PDE4D: variants seen among roughly 807,000 people sequenced by gnomAD.
PDE4D encodes the protein phosphodiesterase 4D.
PDE4D carries 24 observed loss-of-function variants against 87.4 expected under a neutral mutation model. That is an observed-to-expected ratio of 0.27 (90% confidence interval 0.20 to 0.39). The LOEUF is 0.39. PDE4D is among the 10% of genes least tolerant of loss of function. The pLI is 1.00. For missense variants in PDE4D, 714 were observed against 1,041.0 expected (o/e 0.69, Z 4.32); for synonymous variants, 384 against 383.2 (o/e 1.00, Z -0.02).
At chr5:59,516,062 T>C (rs796889565) in intron 1 of PDE4D, among the ~76,000 whole-genome samples, 2 of 152,318 alleles carry the variant, frequency 1.3e-5, no homozygotes, top group African/African-American at 4.8e-5. Flanking sequence ...CTGTGATTCA[T>C]GAACTATATG....
chr5:60,354,800 A>C (rs1759482098), intron 1 of PDE4D, among the ~76,000 whole-genome samples: 1 of 152,196 alleles, frequency 6.6e-6, no homozygotes, highest in Admixed American at 6.5e-5. Flanking sequence ...AAATAGTCCA[A>C]GACATTTATT....
chr5:59,997,982 T>C (rs935379645), intron 2 of PDE4D, among the ~76,000 whole-genome samples: 3 of 152,198 alleles, frequency 2.0e-5, no homozygotes, highest in Non-Finnish European at 1.5e-5. Context: ...GCTGGTTCCA[T>C]GGGAGCTTTC....
At chr5:60,315,984 C>T (rs1249139273) in intron 1 of PDE4D, among the ~76,000 whole-genome samples, 1 of 152,026 alleles carries the variant, frequency 6.6e-6, no homozygotes, top group African/African-American at 2.4e-5. Flanking sequence ...TTTTTTGGTT[C>T]CATATGAACT....
chr5:59,012,418 CAG>C (rs1439515000), intron 6 of PDE4D, among the ~76,000 whole-genome samples: 1 of 152,056 alleles, frequency 6.6e-6, no homozygotes, highest in East Asian at 1.9e-4. Context: ...ATCTCACATG[CAG>C]AGAGACACAT....
chr5:59,784,430 T>C (rs968988788), intron 1 of PDE4D, among the ~76,000 whole-genome samples: 5 of 152,156 alleles, frequency 3.3e-5, no homozygotes, highest in Non-Finnish European at 5.9e-5. Context: ...ATAAAATCTC[T>C]GGCAGAAGAA....
At chr5:60,496,123 G>A (rs1749804908) in intron 1 of PDE4D, among the ~76,000 whole-genome samples, 1 of 152,168 alleles carries the variant, frequency 6.6e-6, no homozygotes, top group African/African-American at 2.4e-5. Context: ...GGTTGCAGCT[G>A]AGTATGTCTA....
chr5:60,307,197 C>G (rs1674357111), intron 1 of PDE4D, among the ~76,000 whole-genome samples: 1 of 151,872 alleles, frequency 6.6e-6, no homozygotes, highest in Admixed American at 6.6e-5. Context: ...AACAACGACA[C>G]AGAAACAGAA....
At chr5:59,935,430 T>C (rs1270159776) in intron 3 of PDE4D, among the ~76,000 whole-genome samples, 5 of 152,136 alleles carry the variant, frequency 3.3e-5, no homozygotes, top group Non-Finnish European at 7.4e-5. Context: ...ACTTCCTCAT[T>C]TGATAAAAAA....
chr5:60,019,351 G>T (rs181339044), intron 2 of PDE4D, among the ~76,000 whole-genome samples: 1 of 152,114 alleles, frequency 6.6e-6, no homozygotes, highest in East Asian at 1.9e-4. Context: ...ATTTAAAGTC[G>T]CCAGCTGCAT....
chr5:59,372,918 G>C (rs940089528), intron 1 of PDE4D, among the ~76,000 whole-genome samples: 3 of 152,100 alleles, frequency 2.0e-5, no homozygotes, highest in Non-Finnish European at 4.4e-5. Flanking sequence ...GGAGCTGAGT[G>C]TTGGACCCCT....
chr5:60,292,158 G>T (rs962022527), intron 1 of PDE4D, among the ~76,000 whole-genome samples: 1 of 152,042 alleles, frequency 6.6e-6, no homozygotes, highest in African/African-American at 2.4e-5. Flanking sequence ...TTATTTTTCT[G>T]AATAGAAAAA....
chr5:60,068,764 A>G (rs559193823), intron 2 of PDE4D, among the ~76,000 whole-genome samples: 39 of 151,862 alleles, frequency 2.6e-4, no homozygotes, highest in Middle Eastern at 3.4e-3. Context: ...TATCCAGCTA[A>G]TTTTTTCTTT....
intron 6 of PDE4D, among the ~76,000 whole-genome samples, chr5:59,013,348 C>A (rs182847011): frequency 1.2e-3 from 184 of 152,178 alleles, no homozygotes; most frequent in African/African-American, 4.2e-3. Context: ...TCAAAAAAAT[C>A]AATGAGTCCA....
rs139008751 is a variant in PDE4D at position 59,575,521 on chromosome 5, C to T, written c.455+317647G>A. Reference sequence around the variant, plus strand: ...TTAGATTTTACAGATACACCCAGTTCGGCAGGATGGTTGCTTCTACAAATC... The same window carrying T: ...TTAGATTTTACAGATACACCCAGTTTGGCAGGATGGTTGCTTCTACAAATC... On this transcript the variant is annotated intron_variant, in intron 1 of 14. Coordinates refer to ENST00000340635, the MANE Select transcript of PDE4D (RefSeq NM_001104631.2). Among the ~76,000 whole-genome samples, 7 of 152,204 alleles carry T rather than the reference C, an allele frequency of 4.6e-5. No homozygotes were observed. In the South Asian group the frequency reaches 8.3e-4, roughly 18 times the overall value.
intron 1 of PDE4D, among the ~76,000 whole-genome samples, chr5:59,730,132 C>A (rs1757171215): frequency 6.6e-6 from 1 of 152,042 alleles, no homozygotes; most frequent in Non-Finnish European, 1.5e-5. Flanking sequence ...CTAAATGATA[C>A]TGCAGACCTA....
At chr5:60,357,153 CA>C (rs57121664) in intron 1 of PDE4D, among the ~76,000 whole-genome samples, 18,806 of 141,194 alleles carry the variant, frequency 0.13, 1,447 homozygotes, top group African/African-American at 0.24. Context: ...GCAGCAATAC[CA>C]AAAAAAAAAA....
At chr5:59,127,651 T>C (rs1208940297) in intron 5 of PDE4D, among the ~76,000 whole-genome samples, 5 of 120,874 alleles carry the variant, frequency 4.1e-5, no homozygotes, top group African/African-American at 1.7e-4. Flanking sequence ...CACCGGCTTT[T>C]AATTTTCAAA....
At chr5:59,974,537 TACTAGGAAC>T (rs1438360972) in intron 3 of PDE4D, among the ~76,000 whole-genome samples, 1 of 152,156 alleles carries the variant, frequency 6.6e-6, no homozygotes, top group Non-Finnish European at 1.5e-5. Flanking sequence ...TGCTGAAATG[TACTAGGAAC>T]CCAAGGACAC....
At chr5:59,825,842 GAGGAAACTGCTC>G (rs1770259754) in intron 1 of PDE4D, among the ~76,000 whole-genome samples, 1 of 152,154 alleles carries the variant, frequency 6.6e-6, no homozygotes, top group Non-Finnish European at 1.5e-5. Flanking sequence ...CAGCAGCTGG[GAGGAAACTGCTC>G]ATGGAGGACA....
Sources: gnomAD v4.1 joint callset for allele counts (sites outside exome capture counted in the v4.1 genomes callset) on GRCh38, gnomAD v4.1.1 for gene constraint, MANE v1.5 for transcripts, NCBI Gene and HGNC (gene_info 2026-07-23, HGNC 2026-07-21) for gene names.